SSBP2: variants seen among roughly 807,000 people sequenced by gnomAD.
The protein encoded by SSBP2 is single-stranded DNA-binding protein 2.
In SSBP2, 17 loss-of-function variants were observed where a neutral mutation model predicts 61.8. The observed-to-expected ratio is 0.28, with a 90% CI of 0.19 to 0.41. The LOEUF is 0.41. Among genes scored for constraint, SSBP2 ranks in the 10% least tolerant of loss-of-function variants. SSBP2 has a pLI of 1.00. For missense variants in SSBP2, 310 were observed against 458.7 expected, an observed-to-expected ratio of 0.68 and a Z score of 2.96; for synonymous variants, 139 against 141.3, an observed-to-expected ratio of 0.98 and a Z score of 0.12.
intron 4 of SSBP2, among the ~76,000 whole-genome samples, chr5:81,589,439 G>C (rs139646589): frequency 3.3e-5 from 5 of 151,966 alleles, no homozygotes. Flanking sequence ...ACTTAATCTT[G>C]GTAAAAATAA....
chr5:81,474,505 G>C lies in SSBP2; in HGVS notation c.490C>G (p.Arg164Gly). The C allele has an allele frequency of 6.2e-7, 1 of 1,612,160 alleles. No homozygotes were observed. Among genetic ancestry groups the C allele is most frequent in the Non-Finnish European group, 8.5e-7 (1 of 1,178,824 alleles). Reference sequence around the variant, plus strand: ...ACTTTAGAGTAGTCACCTTGTTGTCGAGTTGGATCCATTCCACTGGGGAGT... The same window carrying C: ...ACTTTAGAGTAGTCACCTTGTTGTCCAGTTGGATCCATTCCACTGGGGAGT... Residue 164 changes from arginine (R) to glycine (G), a missense_variant, in exon 7 of 17, where the codon CGA (arginine) becomes GGA (glycine). Arg to Gly is a moderately radical substitution (Grantham distance 125, BLOSUM62 -2). Transcript: ENST00000320672.
intron 14 of SSBP2, among the ~76,000 whole-genome samples, chr5:81,438,054 A>C (rs1188552473): frequency 1.3e-5 from 2 of 152,136 alleles, no homozygotes; most frequent in African/African-American, 4.8e-5. Context: ...TTCTTTTCTT[A>C]TGTAAGAAAT....
Position 81,440,473 on chromosome 5 carries a change from A to C in SSBP2, c.928+85T>G, listed in dbSNP as rs929787397. ...TTAAAAATGAGTAGCTGGCTATGGAAGAACTTTGGAAACTGTAATATGCAC... is the reference window on the plus strand; with the variant it reads ...TTAAAAATGAGTAGCTGGCTATGGACGAACTTTGGAAACTGTAATATGCAC... On this transcript the variant is annotated intron_variant, in intron 14 of 16. Transcript: ENST00000320672. 5.2e-6 allele frequency: 6 copies of C among 1,146,126 alleles called. No homozygotes were observed. In the East Asian group the frequency reaches 1.4e-4, roughly 28 times the overall value. 71.0% of individuals were successfully genotyped at this position (1,146,126 alleles called of 1,614,324 possible). A position where few individuals can be genotyped will look rare whatever the true frequency, so the allele number is the denominator to read the frequency against.
chr5:81,605,321 T>C (rs1330227020), intron 4 of SSBP2, among the ~76,000 whole-genome samples: 1 of 152,156 alleles, frequency 6.6e-6, no homozygotes, highest in Admixed American at 6.6e-5. Context: ...CTTCTTTAGA[T>C]TTCTAATTAA....
chr5:81,551,019 C>T (rs1772138116), intron 4 of SSBP2, among the ~76,000 whole-genome samples: 1 of 150,390 alleles, frequency 6.6e-6, no homozygotes, highest in African/African-American at 2.5e-5. Context: ...TGGCATGAAC[C>T]CGGGAGGTAG....
At chr5:81,491,819 C>A (rs1373629729) in intron 5 of SSBP2, among the ~76,000 whole-genome samples, 2 of 152,076 alleles carry the variant, frequency 1.3e-5, no homozygotes, top group African/African-American at 4.8e-5. Context: ...ACTACTTTTA[C>A]CTGAAATATA....
chr5:81,732,028 G>A (rs1250275303), intron 1 of SSBP2, among the ~76,000 whole-genome samples: 2 of 151,936 alleles, frequency 1.3e-5, no homozygotes, highest in Non-Finnish European at 1.5e-5. Flanking sequence ...ATATCAAATC[G>A]AGGTTACCTC....
chr5:81,422,314 T>G (rs2153887674), intron 16 of SSBP2, among the ~76,000 whole-genome samples: 1 of 152,040 alleles, frequency 6.6e-6, no homozygotes, highest in South Asian at 2.1e-4. Context: ...GATGTATGGA[T>G]GGATTATAGT....
intron 4 of SSBP2, among the ~76,000 whole-genome samples, chr5:81,595,742 A>G (rs1442021322): frequency 1.3e-5 from 2 of 152,226 alleles, no homozygotes; most frequent in East Asian, 3.8e-4. Flanking sequence ...GACAAAAACC[A>G]CATGATTATC....
At chr5:81,740,252 T>C (rs768741366) in intron 1 of SSBP2, among the ~76,000 whole-genome samples, 1 of 151,840 alleles carries the variant, frequency 6.6e-6, no homozygotes, top group African/African-American at 2.4e-5. Flanking sequence ...AGTTTTTCCA[T>C]TACAATATTT....
intron 9 of SSBP2, among the ~76,000 whole-genome samples, chr5:81,465,922 G>A (rs927878648): frequency 1.3e-5 from 2 of 151,886 alleles, no homozygotes; most frequent in Non-Finnish European, 2.9e-5. Context: ...AAGCCTAGCT[G>A]GTACCCACCT....
intron 6 of SSBP2, among the ~76,000 whole-genome samples, chr5:81,478,330 TTTTATTTTTATTTA>T (rs1203396546): frequency 6.6e-6 from 1 of 151,764 alleles, no homozygotes; most frequent in African/African-American, 2.4e-5. Context: ...CTGCCTAATT[TTTTATTTTTATTTA>T]TTTATTTTTT....
At chr5:81,639,947 T>G (rs1212084683) in intron 2 of SSBP2, among the ~76,000 whole-genome samples, 1 of 152,248 alleles carries the variant, frequency 6.6e-6, no homozygotes, top group Non-Finnish European at 1.5e-5. Context: ...TTAAAATCAC[T>G]GAAATTGGTT....
intron 1 of SSBP2, among the ~76,000 whole-genome samples, chr5:81,650,551 A>T (rs543831928): frequency 6.6e-6 from 1 of 152,158 alleles, no homozygotes; most frequent in Non-Finnish European, 1.5e-5. Flanking sequence ...AAAAAGACAA[A>T]TGTATTTTTT....
chr5:81,422,252 T>C (rs963355573), intron 16 of SSBP2, among the ~76,000 whole-genome samples: 5 of 152,080 alleles, frequency 3.3e-5, no homozygotes, highest in African/African-American at 4.8e-5. Context: ...AAGTGAATTA[T>C]AGACAAGCTG....
rs562160317 is a variant in SSBP2, at chr5:81,569,508, A to G, written c.282+45965T>C. Among the ~76,000 whole-genome samples, 467 of 152,306 alleles carry G rather than the reference A, an allele frequency of 3.1e-3. 1 individual carries two copies. Among genetic ancestry groups the G allele is most frequent in the African/African-American group, 8.9e-3 (372 of 41,582 alleles). On this transcript the variant is annotated intron_variant, in intron 4 of 16. Coordinates refer to ENST00000320672, the MANE Select transcript of SSBP2 (RefSeq NM_012446.5). ...ACTCCATGCCTCCATGACATTACAA[A>G]GCAAAATAAAATACAGAATCAGACT...
intron 1 of SSBP2, among the ~76,000 whole-genome samples, chr5:81,742,842 T>G (rs1757119185): frequency 6.6e-6 from 1 of 152,090 alleles, no homozygotes; most frequent in Admixed American, 6.6e-5. Flanking sequence ...ATTGCGCCAC[T>G]TCACTCCAGC....
chr5:81,646,867 G>A (rs945123064), intron 2 of SSBP2, among the ~76,000 whole-genome samples: 5 of 152,056 alleles, frequency 3.3e-5, no homozygotes, highest in South Asian at 2.1e-4. Flanking sequence ...TACTTCTAAG[G>A]TGGAGAGGGG....
chr5:81,523,126 T>G (rs1769621727), intron 4 of SSBP2, among the ~76,000 whole-genome samples: 1 of 151,992 alleles, frequency 6.6e-6, no homozygotes, highest in Admixed American at 6.6e-5. Flanking sequence ...GAACTTTTCA[T>G]ATGGAAGCCA....
Sources: allele counts gnomAD v4.1 joint callset (sites outside exome capture counted in the v4.1 genomes callset), GRCh38; gene constraint gnomAD v4.1.1; transcripts MANE v1.5; gene names NCBI Gene and HGNC (gene_info 2026-07-23, HGNC 2026-07-21).